Variants in ZNF33B observed in about 807,000 individuals in gnomAD.
ZNF33B encodes the protein zinc finger protein 33B.
A neutral mutation model predicts 45.8 loss-of-function variants in ZNF33B; 29 were observed. The ratio of observed to expected loss-of-function variants is 0.63; its 90% confidence interval spans 0.47 to 0.86. The LOEUF is 0.86. Ranked by LOEUF, ZNF33B falls within the 40% of genes least tolerant of loss-of-function variation. ZNF33B has a pLI of 0.00. For synonymous variants in ZNF33B, 305 were observed against 307.8 expected, an observed-to-expected ratio of 0.99 and a Z score of 0.10; for missense variants, 831 against 909.9, an observed-to-expected ratio of 0.91 and a Z score of 1.12.
Position 42,594,763 on chromosome 10 carries a change from T to G in ZNF33B, c.251-64A>C, listed in dbSNP as rs537887900. 3.4e-6 allele frequency: 5 copies of G among 1,488,982 alleles called. No individual in the cohort carries two copies. In the African/African-American group the frequency reaches 5.6e-5, roughly 17 times the overall value. 92.2% of individuals were successfully genotyped at this position (1,488,982 alleles called of 1,614,324 possible). On this transcript the variant is annotated intron_variant, in intron 4 of 4. Transcript: ENST00000359467. The stretch of plus-strand genomic sequence containing the variant: ...AAAACATCTCTTAGGGAATGAAATC[T>G]CTACACAAATGCCCTATGTTGTAGC...
chr10:42,606,659 G>C (rs746550408), intron 4 of ZNF33B, among the ~76,000 whole-genome samples: 3 of 151,170 alleles, frequency 2.0e-5, no homozygotes, highest in Non-Finnish European at 4.4e-5. Flanking sequence ...ACAGGGAGGG[G>C]AACAACACAC....
At position 42,599,636 on chromosome 10, in the gene ZNF33B, A is replaced by G. The variant is rs193009456; in HGVS notation, c.251-4937T>C. ...GTGGAAACTTCATATATGCATTTAC[A>G]TATGGTGGATATATATGCACACAAT... On this transcript the variant is annotated intron_variant, in intron 4 of 4. Transcript: ENST00000359467. Among the ~76,000 whole-genome samples the G allele has an allele frequency of 2.8e-4, 43 of 152,152 alleles. No homozygotes were observed. In the East Asian group the frequency reaches 8.1e-3, roughly 29 times the overall value.
At chr10:42,583,961 C>T (rs1310234150) in intron 1 of ZNF33B, among the ~76,000 whole-genome samples, 3 of 152,184 alleles carry the variant, frequency 2.0e-5, no homozygotes, top group Admixed American at 1.3e-4. Flanking sequence ...CCACAGAACT[C>T]ACCCTACTGC....
In ZNF33B at chr10:42,592,521, C is replaced by T; in HGVS notation, c.*92G>A. The T allele has an allele frequency of 1.4e-6, 2 of 1,479,842 alleles. No homozygotes were observed. Among genetic ancestry groups the T allele is most frequent in the Non-Finnish European group, 9.1e-7 (1 of 1,097,412 alleles). The allele number at this position is 1,479,842 out of a possible 1,614,324, so 91.7% of individuals were successfully genotyped here. On this transcript the variant is annotated 3_prime_UTR_variant, in exon 5 of 5. Coordinates refer to ENST00000359467, the MANE Select transcript of ZNF33B (RefSeq NM_006955.3). ...GGCGAGTTTGTGGATAGTTATTGAA[C>T]ATTCAGGATGTCAACAGGCCCTTCT...
chr10:42,579,622 T>C (rs1297112670), intron 1 of ZNF33B: 1 of 152,420 alleles, frequency 6.6e-6, no homozygotes, highest in Non-Finnish European at 1.5e-5. Flanking sequence ...TTCAACCTGG[T>C]ATCAATAGAA....
At chr10:42,623,300 A>T (rs1205189016) in intron 4 of ZNF33B, among the ~76,000 whole-genome samples, 2 of 152,256 alleles carry the variant, frequency 1.3e-5, no homozygotes, top group Non-Finnish European at 2.9e-5. Context: ...CACATTAAAA[A>T]TAATTCAGTG....
rs757805538 is a variant in ZNF33B at position 42,612,516 on chromosome 10, G to A, written c.251-17817C>T. On this transcript the variant is annotated intron_variant, in intron 4 of 4. Transcript: ENST00000359467. ...ATCCCAAAGTGCTGGGATTACAGGCGTAATCCACTGCACCCAGCCAGATTA... is the reference window on the plus strand; with the variant it reads ...ATCCCAAAGTGCTGGGATTACAGGCATAATCCACTGCACCCAGCCAGATTA... Among the ~76,000 whole-genome samples, 19 of 152,230 alleles carry A rather than the reference G, an allele frequency of 1.2e-4. No individual in the cohort carries two copies. In the East Asian group the frequency reaches 1.9e-3, roughly 15 times the overall value.
In ZNF33B at chr10:42,631,998, T is replaced by A. The variant is rs1564528400; in HGVS notation, c.181A>T (p.Ile61Phe). 5.0e-6 allele frequency: 8 copies of A among 1,614,120 alleles called. No individual in the cohort carries two copies. Among genetic ancestry groups the A allele is most frequent in the Non-Finnish European group, 6.8e-6 (8 of 1,180,018 alleles). ...VGYCAHKPEV[I>F]FRLEQGEEPW... ...TCTTCTCCTTGTTCCAGCCTGAAGA[T>A]CACCTCTGGTTTGTGAGCACAATAC... Residue 61 changes from isoleucine (I) to phenylalanine (F), a missense_variant, in exon 4 of 5, where the codon ATC (isoleucine) becomes TTC (phenylalanine). By Grantham distance (21) the Ile-to-Phe change is conservative. Transcript: ENST00000359467.
Position 42,590,315 on chromosome 10 carries a change from T to A in ZNF33B, c.*2298A>T, listed in dbSNP as rs192823591. 1 of 152,246 alleles carries A rather than the reference T, an allele frequency of 6.6e-6. No homozygotes were observed. Among genetic ancestry groups the A allele is most frequent in the African/African-American group, 2.4e-5 (1 of 41,466 alleles). 9.4% of individuals were successfully genotyped at this position (152,246 alleles called of 1,614,324 possible). On this transcript the variant is annotated 3_prime_UTR_variant, in exon 5 of 5. Transcript: ENST00000359467. ...GACAGTACAGACTTGGTATCATTTC[T>A]ACCTTAAGTATCTCGAAAAATGCAC...
At chr10:42,605,651 A>G (rs1383892511) in intron 4 of ZNF33B, among the ~76,000 whole-genome samples, 4 of 152,156 alleles carry the variant, frequency 2.6e-5, no homozygotes, top group Non-Finnish European at 5.9e-5. Flanking sequence ...CAAATCCACA[A>G]TTATTGTGGG....
At chr10:42,627,928 C>T (rs1174656314) in intron 4 of ZNF33B, among the ~76,000 whole-genome samples, 58 of 152,146 alleles carry the variant, frequency 3.8e-4, no homozygotes, top group Admixed American at 3.7e-3. Flanking sequence ...TCTGCCAAGG[C>T]TTATTTATGG....
chr10:42,621,194 G>A (rs1375227636), intron 4 of ZNF33B, among the ~76,000 whole-genome samples: 3 of 151,876 alleles, frequency 2.0e-5, no homozygotes, highest in African/African-American at 7.2e-5. Context: ...TGGGCATAGT[G>A]GGCATGGTGG....
chr10:42,576,110 C>G, intron 1 of ZNF33B, among the ~76,000 whole-genome samples: 1 of 152,070 alleles, frequency 6.6e-6, no homozygotes, highest in South Asian at 2.1e-4. Context: ...AGGCTGGTCT[C>G]GAACTCCTGA....
chr10:42,607,443 T>C (rs1162230167), intron 4 of ZNF33B, among the ~76,000 whole-genome samples: 2 of 152,162 alleles, frequency 1.3e-5, no homozygotes, highest in East Asian at 1.9e-4. Context: ...TATACTATTA[T>C]GCTGATGGCC....
intron 4 of ZNF33B, among the ~76,000 whole-genome samples, chr10:42,619,022 TGTTGTTGTTCTCGAATGGACAACTG>T (rs1242790654): frequency 5.3e-5 from 8 of 152,258 alleles, no homozygotes; most frequent in African/African-American, 1.9e-4. Context: ...TATCTCATTT[TGTTGTTGTTCTCGAATGGACAACTG>T]GTCCATTCAC....
intron 4 of ZNF33B, among the ~76,000 whole-genome samples, chr10:42,605,845 C>T (rs1353703885): frequency 6.6e-6 from 1 of 152,066 alleles, no homozygotes; most frequent in Non-Finnish European, 1.5e-5. Context: ...CCAGTAATCC[C>T]AACACTTTGG....
At chr10:42,627,186 A>T (rs146048986) in intron 4 of ZNF33B, among the ~76,000 whole-genome samples, 2,581 of 151,988 alleles carry the variant, frequency 0.017, 79 homozygotes, top group African/African-American at 0.059. Context: ...GTATTTTTAG[A>T]AGAGACGGAG....
chr10:42,638,391 C>T, intron 1 of ZNF33B, 83 bp downstream of exon 1: 2 of 337,372 alleles, frequency 5.9e-6, no homozygotes, highest in Non-Finnish European at 1.2e-5. Flanking sequence ...TCCTCGCCAC[C>T]ACCTGGCACT....
At chr10:42,586,514 A>C (rs1236484551), downstream of ZNF33B, among the ~76,000 whole-genome samples, 2 of 152,208 alleles carry the variant, frequency 1.3e-5, no homozygotes, top group Non-Finnish European at 1.5e-5. Context: ...GCACCACCGT[A>C]GCTCACTGCA....
Sources: allele counts gnomAD v4.1 joint callset (sites outside exome capture counted in the v4.1 genomes callset), GRCh38; gene constraint gnomAD v4.1.1; transcripts MANE v1.5; gene names NCBI Gene and HGNC (gene_info 2026-07-23, HGNC 2026-07-21).